Variants in EDIL3 observed in about 807,000 individuals in gnomAD.
EDIL3 encodes the protein EGF-like repeat and discoidin I-like domain-containing protein 3.
Under a neutral mutation model 67.4 loss-of-function variants are expected in EDIL3, and 37 were observed. The ratio of observed to expected loss-of-function variants is 0.55; its 90% CI spans 0.42 to 0.72. The LOEUF (loss-of-function observed/expected upper bound fraction) is 0.72. EDIL3 is among the 30% of genes least tolerant of loss of function. EDIL3 has a pLI of 0.00. For missense variants in EDIL3, 527 were observed against 586.3 expected (o/e 0.90, Z 1.04); for synonymous variants, 195 against 196.3 (o/e 0.99, Z 0.05).
At chr5:84,063,046 A>G (rs936196642) in intron 8 of EDIL3, among the ~76,000 whole-genome samples, 7 of 152,122 alleles carry the variant, frequency 4.6e-5, no homozygotes, top group Admixed American at 4.6e-4. Flanking sequence ...GAGATGCAGC[A>G]CTGCTTCTTT....
intron 9 of EDIL3, 107 bp from the exon 10 acceptor site, chr5:83,963,467 T>A (rs1744640561): frequency 2.4e-6 from 3 of 1,238,974 alleles, no homozygotes; most frequent in Non-Finnish European, 3.2e-6. Flanking sequence ...AAATCAAAAA[T>A]CTGTCTAGTT....
At chr5:84,008,392 TC>T (rs1745463391) in intron 9 of EDIL3, among the ~76,000 whole-genome samples, 2 of 151,956 alleles carry the variant, frequency 1.3e-5, no homozygotes, top group Admixed American at 1.3e-4. Flanking sequence ...TCAAAATACC[TC>T]ACATATATCT....
At chr5:84,080,314 A>AAAAAAAAAAAAAAAAAAAAAT in intron 6 of EDIL3, among the ~76,000 whole-genome samples, 3 of 149,188 alleles carry the variant, frequency 2.0e-5, no homozygotes, top group African/African-American at 7.4e-5. Flanking sequence ...AAAAAAAAAA[A>AAAAAAAAAAAAAAAAAAAAAT]AATTAACTCA....
intron 1 of EDIL3, among the ~76,000 whole-genome samples, chr5:84,371,259 A>T (rs1170445884): frequency 6.7e-6 from 1 of 149,074 alleles, no homozygotes; most frequent in Admixed American, 6.8e-5. Flanking sequence ...GTTTAAGCTG[A>T]GGGATGAGTT....
chr5:84,026,678 C>T (rs1449456665), intron 9 of EDIL3, among the ~76,000 whole-genome samples: 1 of 152,124 alleles, frequency 6.6e-6, no homozygotes, highest in African/African-American at 2.4e-5. Context: ...TTGATTATTT[C>T]CAACTGTAAT....
chr5:84,286,948 C>A (rs1468152159), intron 1 of EDIL3, among the ~76,000 whole-genome samples: 1 of 152,102 alleles, frequency 6.6e-6, no homozygotes, highest in Non-Finnish European at 1.5e-5. Flanking sequence ...AATGCTAGTG[C>A]AGAAGTCTAG....
chr5:84,375,212 C>T (rs990282607), intron 1 of EDIL3, among the ~76,000 whole-genome samples: 16 of 152,016 alleles, frequency 1.1e-4, no homozygotes, highest in Non-Finnish European at 1.5e-4. Context: ...CCTCGTGACC[C>T]GCCCACTTCA....
chr5:84,338,732 C>G (rs1054240259), intron 1 of EDIL3, among the ~76,000 whole-genome samples: 9 of 152,140 alleles, frequency 5.9e-5, no homozygotes, highest in Admixed American at 2.0e-4. Context: ...GAACATCATA[C>G]AATCCACTGA....
chr5:84,233,035 T>C (rs931820364), intron 2 of EDIL3, among the ~76,000 whole-genome samples: 1 of 152,178 alleles, frequency 6.6e-6, no homozygotes, highest in Non-Finnish European at 1.5e-5. Flanking sequence ...TCAGAGTCTA[T>C]GGCACATGTA....
chr5:84,301,845 C>G (rs1236133324), intron 1 of EDIL3, among the ~76,000 whole-genome samples: 2 of 152,108 alleles, frequency 1.3e-5, no homozygotes, highest in Non-Finnish European at 2.9e-5. Flanking sequence ...AACAGGAATT[C>G]TAAGTATTTC....
intron 3 of EDIL3, among the ~76,000 whole-genome samples, chr5:84,194,806 T>C (rs1743668584): frequency 6.6e-6 from 1 of 151,930 alleles, no homozygotes; most frequent in African/African-American, 2.4e-5. Flanking sequence ...TCATGCCTAC[T>C]GACAATTTTG....
rs561262786 is a variant in EDIL3, at chr5:84,250,670, T to C, written c.196+3414A>G. Among the ~76,000 whole-genome samples, 3 of 152,324 alleles carry C rather than the reference T, an allele frequency of 2.0e-5. No individual in the cohort carries two copies. The East Asian group carries it at 5.8e-4, about 29-fold the overall frequency. On this transcript the variant is annotated intron_variant, in intron 2 of 10. Transcript: ENST00000296591. The stretch of plus-strand genomic sequence containing the variant: ...TCTAAGCATGCATTTGAAATTCTCC[T>C]TTCCAGATGAACTGCAATGAAAAGA...
intron 6 of EDIL3, among the ~76,000 whole-genome samples, chr5:84,075,205 G>T (rs1229226535): frequency 6.6e-6 from 1 of 151,748 alleles, no homozygotes; most frequent in African/African-American, 2.4e-5. Flanking sequence ...GTTGTGGGGT[G>T]GGGGGAGTGG....
chr5:84,207,892 T>G (rs995161425), intron 3 of EDIL3, among the ~76,000 whole-genome samples: 2 of 152,132 alleles, frequency 1.3e-5, no homozygotes, highest in Non-Finnish European at 1.5e-5. Flanking sequence ...ATACAAAAAT[T>G]AATTCAAGAT....
chr5:84,129,211 A>G (rs1049824130), intron 5 of EDIL3, among the ~76,000 whole-genome samples: 1 of 152,124 alleles, frequency 6.6e-6, no homozygotes, highest in African/African-American at 2.4e-5. Flanking sequence ...TATTGAGTCA[A>G]TTTTTTGTGT....
At chr5:84,204,224 T>C (rs1222901609) in intron 3 of EDIL3, among the ~76,000 whole-genome samples, 2 of 152,198 alleles carry the variant, frequency 1.3e-5, no homozygotes, top group Non-Finnish European at 2.9e-5. Flanking sequence ...TATGCATTTA[T>C]ATAACCCTGT....
At chr5:84,032,475 G>A (rs1192624669) in intron 9 of EDIL3, among the ~76,000 whole-genome samples, 1 of 152,104 alleles carries the variant, frequency 6.6e-6, no homozygotes, top group Non-Finnish European at 1.5e-5. Flanking sequence ...GGCATACAGA[G>A]CAAATATAAG....
intron 9 of EDIL3, among the ~76,000 whole-genome samples, chr5:84,040,654 A>G (rs944986400): frequency 1.3e-5 from 2 of 151,954 alleles, no homozygotes; most frequent in Non-Finnish European, 2.9e-5. Context: ...GAGAAATTAA[A>G]GATTTGTTGT....
chr5:84,284,635 A>G (rs1189955140), intron 1 of EDIL3, among the ~76,000 whole-genome samples: 1 of 152,140 alleles, frequency 6.6e-6, no homozygotes, highest in Non-Finnish European at 1.5e-5. Context: ...GTTGCTTTTG[A>G]CTAAGTAATG....
Sources: gnomAD v4.1 joint callset for allele counts (sites outside exome capture counted in the v4.1 genomes callset) on GRCh38, gnomAD v4.1.1 for gene constraint, MANE v1.5 for transcripts, NCBI Gene and HGNC (gene_info 2026-07-23, HGNC 2026-07-21) for gene names.